The following POU2F1 variants were observed in gnomAD, a reference collection of about 807,000 sequenced individuals.
The protein encoded by POU2F1 is POU domain, class 2, transcription factor 1.
POU2F1 carries 16 observed loss-of-function variants against 84.9 expected under a neutral mutation model. The ratio of observed to expected loss-of-function variants is 0.19; its 90% confidence interval spans 0.13 to 0.29. The LOEUF (loss-of-function observed/expected upper bound fraction) is 0.29. POU2F1 is among the 10% of genes least tolerant of loss of function. POU2F1 has a pLI of 1.00. For synonymous variants in POU2F1, 368 were observed against 368.3 expected (o/e 1.00, Z 0.01); for missense variants, 738 against 942.6 (o/e 0.78, Z 2.84).
chr1:167,303,691 A>G (rs142589466), intron 1 of POU2F1: 2 of 152,128 alleles, frequency 1.3e-5, no homozygotes, highest in African/African-American at 4.8e-5. Flanking sequence ...TCAAATATAT[A>G]TTTTTCTATT....
intron 3 of POU2F1, among the ~76,000 whole-genome samples, chr1:167,369,780 T>C (rs1215038487): frequency 1.3e-5 from 2 of 152,196 alleles, no homozygotes; most frequent in Non-Finnish European, 2.9e-5. Flanking sequence ...TAATAAAGAA[T>C]GTATATAGAT....
At chr1:167,294,853 G>A (rs1214833480) in intron 1 of POU2F1, among the ~76,000 whole-genome samples, 2 of 152,096 alleles carry the variant, frequency 1.3e-5, no homozygotes, top group Non-Finnish European at 2.9e-5. Flanking sequence ...ACAGTAGAAG[G>A]CTGGGCACGG....
intron 1 of POU2F1, among the ~76,000 whole-genome samples, chr1:167,293,119 C>T (rs2102539790): frequency 6.6e-6 from 1 of 152,284 alleles, no homozygotes; most frequent in African/African-American, 2.4e-5. Context: ...CCCACTTTTA[C>T]CCCTTCTATT....
At position 167,302,478 on chromosome 1, in the gene POU2F1, C is replaced by A. The variant is rs1166311187; in HGVS notation, c.62-29992C>A. On this transcript the variant is annotated intron_variant, in intron 1 of 15. Coordinates refer to ENST00000367866, the MANE Select transcript of POU2F1 (RefSeq NM_002697.4). ...TTCACCATGTTGGCTAAGAGGGTCTCCTTCTCCTGACCTCGTGATTCGCCT... is the reference window on the plus strand; with the variant it reads ...TTCACCATGTTGGCTAAGAGGGTCTACTTCTCCTGACCTCGTGATTCGCCT... 2.0e-5 allele frequency among the ~76,000 whole-genome samples: 3 copies of A among 152,042 alleles called. No homozygotes were observed. In the East Asian group the frequency reaches 5.8e-4, roughly 29 times the overall value.
At chr1:167,346,304 T>C (rs1332520690) in intron 2 of POU2F1, among the ~76,000 whole-genome samples, 1 of 152,228 alleles carries the variant, frequency 6.6e-6, no homozygotes, top group Non-Finnish European at 1.5e-5. Flanking sequence ...TGCATTCATC[T>C]CTAAGGTGAT....
rs1348198148 is a variant in POU2F1 at position 167,427,049 on chromosome 1, A to G, written c.*11239A>G. 1 of 152,180 alleles carries G rather than the reference A, an allele frequency of 6.6e-6. No homozygotes were observed. The highest frequency in any genetic ancestry group is 1.5e-5 in the Non-Finnish European group (1 of 68,034). 9.4% of individuals were successfully genotyped at this position (152,180 alleles called of 1,614,324 possible). On this transcript the variant is annotated 3_prime_UTR_variant, in exon 16 of 16. Coordinates refer to ENST00000367866, the MANE Select transcript of POU2F1 (RefSeq NM_002697.4). ...GAAAACCTGAAACACAGGCAACTTT[A>G]CATTTTGGGGAATTAGCTGATGCCT...
At chr1:167,277,165 C>T (rs908319889) in intron 1 of POU2F1, among the ~76,000 whole-genome samples, 5 of 152,076 alleles carry the variant, frequency 3.3e-5, no homozygotes, top group South Asian at 2.1e-4. Flanking sequence ...GCTGTGAGGT[C>T]GTGCTTTCTC....
At chr1:167,227,064 G>A (rs1241062146) in intron 1 of POU2F1, among the ~76,000 whole-genome samples, 1 of 152,068 alleles carries the variant, frequency 6.6e-6, no homozygotes, top group Non-Finnish European at 1.5e-5. Flanking sequence ...GGGACTACAG[G>A]CATGAGCTAC....
intron 13 of POU2F1, among the ~76,000 whole-genome samples, chr1:167,402,923 C>A (rs2101922311): frequency 6.6e-6 from 1 of 152,284 alleles, no homozygotes; most frequent in Non-Finnish European, 1.5e-5. Flanking sequence ...CTAAAAATAC[C>A]TGTCTCTTAC....
chr1:167,313,147 A>C (rs1571280330), intron 1 of POU2F1, among the ~76,000 whole-genome samples: 1 of 152,260 alleles, frequency 6.6e-6, no homozygotes, highest in African/African-American at 2.4e-5. Flanking sequence ...GTGCGTGCTG[A>C]GAACCACAAA....
chr1:167,353,619 C>T (rs1557918614), intron 2 of POU2F1, among the ~76,000 whole-genome samples: 1 of 152,162 alleles, frequency 6.6e-6, no homozygotes, highest in Non-Finnish European at 1.5e-5. Flanking sequence ...ATGAAAGAAA[C>T]GATCATCACT....
Position 167,365,584 on chromosome 1 carries a change from C to T in POU2F1, c.228+17C>T. On this transcript the variant is annotated intron_variant, in intron 3 of 15. Coordinates refer to ENST00000367866, the MANE Select transcript of POU2F1 (RefSeq NM_002697.4). Reference sequence around the variant, plus strand: ...CTCCATCAGGTAGGAATGTTCTGCTCAACCATCAGTGAGAGTGAAAGATAG... The same window carrying T: ...CTCCATCAGGTAGGAATGTTCTGCTTAACCATCAGTGAGAGTGAAAGATAG... The T allele has an allele frequency of 3.2e-6, 5 of 1,546,512 alleles. No individual in the cohort carries two copies. Among genetic ancestry groups the T allele is most frequent in the Non-Finnish European group, 4.4e-6 (5 of 1,139,416 alleles).
chr1:167,383,935 T>A lies in POU2F1; in HGVS notation c.797T>A (p.Ile266Asn). 12 of 1,613,296 alleles carry A rather than the reference T, an allele frequency of 7.4e-6. No individual in the cohort carries two copies. Among genetic ancestry groups the A allele is most frequent in the Non-Finnish European group, 9.3e-6 (11 of 1,179,486 alleles). The part of the protein sequence containing the change: ...QANLLQSQPS[I>N]TLTSQPATPT... ...AACCTCCTACAGTCGCAGCCAAGCA[T>A]CACCCTCACCTCCCAGGTCAGTTTT... is the stretch of plus-strand genomic sequence containing the variant. The change falls in exon 8 of 16, where the codon ATC (isoleucine) becomes AAC (asparagine). Residue 266 changes from isoleucine to asparagine, a missense_variant. This residue lies in a region of POU2F1 where 163 missense variants were observed against 214.4 expected (regional missense o/e 0.76). Transcript: ENST00000367866.
In POU2F1 at chr1:167,401,532, G is replaced by C. The variant is rs1341154456; in HGVS notation, c.1531G>C (p.Ala511Pro). 1.2e-6 allele frequency: 2 copies of C among 1,608,774 alleles called. No homozygotes were observed. Among genetic ancestry groups the C allele is most frequent in the Non-Finnish European group, 1.7e-6 (2 of 1,177,748 alleles). The stretch of plus-strand genomic sequence containing the variant: ...CCCTGTCCTCCCTCTGACCAGTGCT[G>C]CTGTGACGAATCTTTCAGTTACAGG... ...VSPVLPLTSA[A>P]VTNLSVTGTS... Residue 511 changes from alanine to proline, a missense_variant, in exon 13 of 16, where the codon GCT (alanine) becomes CCT (proline). By Grantham distance (27) the Ala-to-Pro change is conservative. Coordinates refer to ENST00000367866, the MANE Select transcript of POU2F1 (RefSeq NM_002697.4).
At chr1:167,280,640 A>G (rs1276848186) in intron 1 of POU2F1, among the ~76,000 whole-genome samples, 1 of 152,104 alleles carries the variant, frequency 6.6e-6, no homozygotes, top group Non-Finnish European at 1.5e-5. Flanking sequence ...TTTTGAAATG[A>G]TTTTGATTTA....
intron 6 of POU2F1, 82 bp from the exon 7 acceptor site, chr1:167,375,947 G>C: frequency 2.7e-6 from 4 of 1,486,568 alleles, no homozygotes; most frequent in Non-Finnish European, 3.7e-6. Context: ...GGATGTGACA[G>C]AAGTCATCAG....
At chr1:167,320,186 A>G (rs1345189384) in intron 1 of POU2F1, among the ~76,000 whole-genome samples, 2 of 152,216 alleles carry the variant, frequency 1.3e-5, no homozygotes, top group Non-Finnish European at 2.9e-5. Context: ...ACTGTGTAGA[A>G]TGAACCACAT....
At chr1:167,355,389 T>TA (rs2101799916) in intron 2 of POU2F1, among the ~76,000 whole-genome samples, 1 of 152,292 alleles carries the variant, frequency 6.6e-6, no homozygotes, top group South Asian at 2.1e-4. Context: ...CCTATGCTAA[T>TA]ACCACACTGC....
At chr1:167,395,289 T>C (rs1269860392) in intron 9 of POU2F1, among the ~76,000 whole-genome samples, 4 of 152,346 alleles carry the variant, frequency 2.6e-5, no homozygotes, top group African/African-American at 9.6e-5. Flanking sequence ...TAAGTTTCCA[T>C]TGCCCATGAA....
Sources: allele counts gnomAD v4.1 joint callset (sites outside exome capture counted in the v4.1 genomes callset), GRCh38; gene constraint gnomAD v4.1.1; regional missense constraint gnomAD v4.1.1; transcripts MANE v1.5; gene names NCBI Gene and HGNC (gene_info 2026-07-23, HGNC 2026-07-21).